Variants in EXOC6 observed in about 807,000 individuals in gnomAD.
The protein encoded by EXOC6 is exocyst complex component 6.
Under a neutral mutation model 112.5 loss-of-function variants are expected in EXOC6, and 60 were observed. That is an observed-to-expected ratio of 0.53 (90% confidence interval 0.43 to 0.66). The LOEUF (loss-of-function observed/expected upper bound fraction) is 0.66. EXOC6 is among the 30% of genes least tolerant of loss of function. The pLI is 0.00. For missense variants in EXOC6, 855 were observed against 957.1 expected (o/e 0.89, Z 1.41); for synonymous variants, 295 against 308.0 (o/e 0.96, Z 0.44).
intron 6 of EXOC6, among the ~76,000 whole-genome samples, chr10:92,914,997 T>C (rs928611174): frequency 2.0e-5 from 3 of 152,376 alleles, no homozygotes; most frequent in African/African-American, 7.2e-5. Flanking sequence ...TTATTCTGTG[T>C]AAATGTTGTT....
intron 14 of EXOC6, among the ~76,000 whole-genome samples, chr10:92,949,796 G>T (rs572396178): frequency 6.6e-6 from 1 of 151,996 alleles, no homozygotes; most frequent in African/African-American, 2.4e-5. Context: ...GGGTTTCACC[G>T]TGTAGGTCAG....
At chr10:92,998,628 CCACACACACACACA>C (rs55823754) in intron 19 of EXOC6, among the ~76,000 whole-genome samples, 8 of 141,346 alleles carry the variant, frequency 5.7e-5, no homozygotes, top group African/African-American at 1.6e-4. Flanking sequence ...CTGTTGCACA[CCACACACACACACA>C]CACACACACA....
chr10:92,940,051 G>A (rs1438858319), intron 12 of EXOC6, among the ~76,000 whole-genome samples: 1 of 152,092 alleles, frequency 6.6e-6, no homozygotes, highest in African/African-American at 2.4e-5. Context: ...ATTTAGCCAA[G>A]AGAAAGGTGC....
At chr10:92,890,649 T>G (rs1849453709) in intron 1 of EXOC6, among the ~76,000 whole-genome samples, 1 of 151,914 alleles carries the variant, frequency 6.6e-6, no homozygotes, top group Admixed American at 6.6e-5. Flanking sequence ...GGGGATAGTG[T>G]GTGTGTGTGT....
chr10:92,959,576 C>T (rs1345076614), intron 17 of EXOC6, among the ~76,000 whole-genome samples: 2 of 152,052 alleles, frequency 1.3e-5, no homozygotes, highest in East Asian at 3.8e-4. Context: ...AGAAGACAAG[C>T]CACAGAACTG....
At chr10:93,017,930 A>G (rs1269355441) in intron 20 of EXOC6, among the ~76,000 whole-genome samples, 3 of 151,952 alleles carry the variant, frequency 2.0e-5, no homozygotes, top group Non-Finnish European at 4.4e-5. Context: ...GAATCACTTG[A>G]ACTTGGGAGG....
At position 92,898,269 on chromosome 10, in the gene EXOC6, T is replaced by TAA. The variant is rs34350548; in HGVS notation, c.413-1318_413-1317dup. ...CCCTGTCTCTACAGAAAATTAAAAT[T>TAA]AAAAAAAAAAAAATTAGCCAGCTGT... On this transcript the variant is annotated intron_variant, in intron 4 of 21. Coordinates refer to ENST00000260762, the MANE Select transcript of EXOC6 (RefSeq NM_019053.6). 2.5e-3 allele frequency among the ~76,000 whole-genome samples: 365 copies of TAA among 145,918 alleles called. 3 individuals carry two copies. The highest frequency in any genetic ancestry group is 6.8e-3 in the African/African-American group (271 of 39,618).
intron 13 of EXOC6, among the ~76,000 whole-genome samples, chr10:92,942,185 G>A (rs953419048): frequency 2.6e-5 from 4 of 152,140 alleles, no homozygotes; most frequent in Admixed American, 1.3e-4. Context: ...GAGGCCAGGA[G>A]TTTGAGACCA....
Position 92,940,898 on chromosome 10 carries a change from TA to T in EXOC6, c.1310+76del, listed in dbSNP as rs149729519. The T allele has an allele frequency of 5.5e-4, 505 of 924,214 alleles. 1 individual carries two copies. In the African/African-American group the frequency reaches 7.4e-3, roughly 13 times the overall value. The allele number at this position is 924,214 out of a possible 1,614,324, so 57.3% of individuals were successfully genotyped here. A position where few individuals can be genotyped will look rare whatever the true frequency, so the allele number is the denominator to read the frequency against. On this transcript the variant is annotated intron_variant, in intron 13 of 21. Transcript: ENST00000260762. ...GCTCAAGTGGTTCATTTGCATATAT[TA>T]ATAAAAATGCTTATAATCATTTTTA...
At chr10:93,052,940 A>T (rs1304007131) in intron 20 of EXOC6, among the ~76,000 whole-genome samples, 2 of 152,190 alleles carry the variant, frequency 1.3e-5, no homozygotes, top group African/African-American at 4.8e-5. Context: ...TACAAGACTG[A>T]AAGAGATTTT....
upstream of EXOC6, among the ~76,000 whole-genome samples, chr10:92,830,696 G>A (rs1846460893): frequency 6.6e-6 from 1 of 152,130 alleles, no homozygotes; most frequent in Admixed American, 6.6e-5. Flanking sequence ...TATGTCTCCC[G>A]ACATTTCCCT....
At chr10:92,876,203 A>C (rs1372768638) in intron 1 of EXOC6, among the ~76,000 whole-genome samples, 1 of 152,198 alleles carries the variant, frequency 6.6e-6, no homozygotes, top group Non-Finnish European at 1.5e-5. Context: ...GTGAAATTTT[A>C]TGAAAAATAA....
intron 19 of EXOC6, 42 bp downstream of exon 19, chr10:92,997,657 C>G: frequency 6.7e-7 from 1 of 1,494,090 alleles, no homozygotes; most frequent in Non-Finnish European, 9.1e-7. Context: ...TACTAGGAAT[C>G]TATGCTTAAA....
chr10:92,899,072 T>C (rs1850001675), intron 4 of EXOC6, among the ~76,000 whole-genome samples: 1 of 152,336 alleles, frequency 6.6e-6, no homozygotes, highest in East Asian at 1.9e-4. Context: ...TTTCTGGCTG[T>C]ATTATAATTC....
chr10:92,971,009 G>T (rs1420584639), intron 17 of EXOC6, among the ~76,000 whole-genome samples: 3 of 152,120 alleles, frequency 2.0e-5, no homozygotes, highest in African/African-American at 4.8e-5. Flanking sequence ...AAGTCTTCTG[G>T]TTTTTCTGCC....
intron 4 of EXOC6, among the ~76,000 whole-genome samples, chr10:92,896,147 G>GTGTGTGTGTGTGTATATA (rs1432410468): frequency 1.6e-4 from 4 of 24,482 alleles, no homozygotes; most frequent in African/African-American, 9.2e-4. Context: ...GTATGTATGT[G>GTGTGTGTGTGTGTATATA]TATATATATA....
intron 1 of EXOC6, among the ~76,000 whole-genome samples, chr10:92,851,649 TA>T (rs1221067369): frequency 4.1e-5 from 6 of 146,686 alleles, no homozygotes; most frequent in African/African-American, 1.0e-4. Flanking sequence ...GACTCCATCT[TA>T]AAAAAACAAA....
intron 18 of EXOC6, among the ~76,000 whole-genome samples, chr10:92,975,607 A>C (rs1478915153): frequency 2.2e-5 from 3 of 135,228 alleles, no homozygotes; most frequent in Non-Finnish European, 3.2e-5. Context: ...CCCGTCCGGG[A>C]GGGAGGTTGG....
At chr10:92,903,373 A>ATTT (rs58146053) in intron 5 of EXOC6, among the ~76,000 whole-genome samples, 4 of 145,900 alleles carry the variant, frequency 2.7e-5, no homozygotes, top group African/African-American at 1.0e-4. Flanking sequence ...GAATAAACAA[A>ATTT]TTTTTTTTTT....
Sources: gnomAD v4.1 joint callset for allele counts (sites outside exome capture counted in the v4.1 genomes callset) on GRCh38, gnomAD v4.1.1 for gene constraint, MANE v1.5 for transcripts, NCBI Gene and HGNC (gene_info 2026-07-23, HGNC 2026-07-21) for gene names.